The following SH3GL2 variants were observed in gnomAD, a reference collection of about 807,000 sequenced individuals.
SH3GL2 encodes endophilin-A1.
A neutral mutation model predicts 46.0 loss-of-function variants in SH3GL2; 24 were observed. That is an observed-to-expected ratio of 0.52 (90% CI 0.38 to 0.73). SH3GL2 has a LOEUF of 0.73. Among genes scored for constraint, SH3GL2 ranks in the 30% least tolerant of loss-of-function variants. SH3GL2 has a pLI of 0.00. For missense variants in SH3GL2, 413 were observed against 424.2 expected (o/e 0.97, Z 0.23); for synonymous variants, 196 against 147.1 (o/e 1.33, Z -2.40).
chr9:17,697,070 T>G (rs181328432), intron 1 of SH3GL2, among the ~76,000 whole-genome samples: 91 of 152,184 alleles, frequency 6.0e-4, no homozygotes, highest in African/African-American at 2.0e-3. Context: ...AAGAATCAGC[T>G]CCCTCACACC....
chr9:17,617,659 C>G (rs1387141931), intron 1 of SH3GL2, among the ~76,000 whole-genome samples: 1 of 152,140 alleles, frequency 6.6e-6, no homozygotes, highest in East Asian at 1.9e-4. Context: ...AAATGTTGAC[C>G]TATGTGATTA....
intron 1 of SH3GL2, among the ~76,000 whole-genome samples, chr9:17,659,185 C>T (rs891555126): frequency 2.0e-5 from 3 of 152,074 alleles, no homozygotes; most frequent in Non-Finnish European, 4.4e-5. Flanking sequence ...CACTAAGGTC[C>T]CTTCCTGTAT....
chr9:17,793,412 A>G lies in SH3GL2; in HGVS notation c.774A>G (p.Lys258=), dbSNP rs1824190138. The change falls in exon 8 of 9, where the codon AAA becomes AAG. Residue 258 remains lysine (K), a synonymous_variant. Transcript: ENST00000380607. ...SSQPRREYQP[K]PRMSLEFPTG... is the part of the protein sequence containing the mutation. ...AGCCTAGAAGGGAATATCAACCTAA[A>G]CCACGAATGAGCCTGGAGTTTCCAA... 6.2e-7 allele frequency: 1 copy of G among 1,612,816 alleles called. No homozygotes were observed. Among genetic ancestry groups the G allele is most frequent in the Non-Finnish European group, 8.5e-7 (1 of 1,179,492 alleles).
rs185035491 is a variant in SH3GL2 at position 17,615,431 on chromosome 9, C to T, written c.45+36144C>T. ...CAGCACTTTGAGAGGCCGAGGTGGG[C>T]GGATCACGAGGCCGGGAGATTGAGA... On this transcript the variant is annotated intron_variant, in intron 1 of 8. Coordinates refer to ENST00000380607, the MANE Select transcript of SH3GL2 (RefSeq NM_003026.5). Among the ~76,000 whole-genome samples, 182 of 152,004 alleles carry T rather than the reference C, an allele frequency of 1.2e-3. 1 individual carries two copies. The East Asian group carries it at 0.028, about 23-fold the overall frequency.
At chr9:17,608,393 G>T (rs199668199) in intron 1 of SH3GL2, among the ~76,000 whole-genome samples, 2 of 151,982 alleles carry the variant, frequency 1.3e-5, no homozygotes, top group Non-Finnish European at 2.9e-5. Context: ...TGATCTGCCC[G>T]CCTTGGCCTC....
chr9:17,749,159 T>C (rs1822774278), intron 2 of SH3GL2, among the ~76,000 whole-genome samples: 1 of 152,208 alleles, frequency 6.6e-6, no homozygotes, highest in Non-Finnish European at 1.5e-5. Flanking sequence ...AAAGTCTGCA[T>C]TGGTTCCTAT....
chr9:17,607,576 G>A (rs1034189565), intron 1 of SH3GL2, among the ~76,000 whole-genome samples: 3 of 152,204 alleles, frequency 2.0e-5, no homozygotes, highest in Non-Finnish European at 4.4e-5. Flanking sequence ...ATGTCTATGC[G>A]GCACGTGGCT....
intron 1 of SH3GL2, among the ~76,000 whole-genome samples, chr9:17,605,050 G>A (rs1281378461): frequency 6.7e-6 from 1 of 149,758 alleles, no homozygotes; most frequent in African/African-American, 2.5e-5. Flanking sequence ...ATGGCTCACT[G>A]CAACCTCAAC....
intron 1 of SH3GL2, among the ~76,000 whole-genome samples, chr9:17,607,106 A>G (rs1008431845): frequency 1.3e-4 from 20 of 152,348 alleles, no homozygotes; most frequent in African/African-American, 4.3e-4. Context: ...ACATACAGTC[A>G]TGCATCAGGT....
At chr9:17,616,375 A>T (rs897715504) in intron 1 of SH3GL2, among the ~76,000 whole-genome samples, 1 of 152,210 alleles carries the variant, frequency 6.6e-6, no homozygotes, top group African/African-American at 2.4e-5. Context: ...GTATAACTTT[A>T]GTGCTAGCTA....
At chr9:17,657,999 T>C (rs2117862396) in intron 1 of SH3GL2, among the ~76,000 whole-genome samples, 1 of 152,314 alleles carries the variant, frequency 6.6e-6, no homozygotes, top group East Asian at 1.9e-4. Flanking sequence ...TTGTTGTAGA[T>C]GAGCATCCAG....
intron 8 of SH3GL2, among the ~76,000 whole-genome samples, chr9:17,794,494 A>G (rs988647577): frequency 2.0e-5 from 3 of 152,190 alleles, no homozygotes; most frequent in African/African-American, 7.2e-5. Flanking sequence ...AGGACTAGTC[A>G]CAGAAATTGT....
intron 1 of SH3GL2, among the ~76,000 whole-genome samples, chr9:17,663,012 CT>C (rs1021999723): frequency 2.6e-5 from 4 of 152,080 alleles, no homozygotes; most frequent in African/African-American, 9.7e-5. Flanking sequence ...TGGCTAAGTC[CT>C]TTTTAAATAA....
intron 1 of SH3GL2, chr9:17,735,656 C>G: frequency 5.9e-6 from 2 of 339,656 alleles, no homozygotes; most frequent in Non-Finnish European, 8.4e-6. Flanking sequence ...TTGGTAGACA[C>G]AGGGGTTCTA....
At chr9:17,687,589 C>G (rs891513109) in intron 1 of SH3GL2, among the ~76,000 whole-genome samples, 24 of 152,108 alleles carry the variant, frequency 1.6e-4, no homozygotes, top group African/African-American at 5.8e-4. Context: ...TCCTGAAGTT[C>G]TAATGATAAA....
At chr9:17,623,841 C>A (rs193236995) in intron 1 of SH3GL2, among the ~76,000 whole-genome samples, 67 of 152,104 alleles carry the variant, frequency 4.4e-4, no homozygotes, top group African/African-American at 1.4e-3. Context: ...TTGGGATATT[C>A]TCTTATACTA....
At chr9:17,734,909 C>G (rs186935891) in intron 1 of SH3GL2, among the ~76,000 whole-genome samples, 15 of 152,142 alleles carry the variant, frequency 9.9e-5, no homozygotes, top group African/African-American at 3.6e-4. Context: ...TGTAAATACA[C>G]TAAAAATCAC....
At chr9:17,758,390 G>A (rs961010710) in intron 2 of SH3GL2, among the ~76,000 whole-genome samples, 3 of 151,312 alleles carry the variant, frequency 2.0e-5, no homozygotes, top group South Asian at 2.1e-4. Flanking sequence ...GCAAAACCCC[G>A]TCTCTACCAA....
chr9:17,624,645 G>C lies in SH3GL2; in HGVS notation c.45+45358G>C, dbSNP rs563651693. 7.9e-5 allele frequency among the ~76,000 whole-genome samples: 12 copies of C among 152,284 alleles called. No homozygotes were observed. In the South Asian group the frequency reaches 2.3e-3, roughly 29 times the overall value. ...AGTTGGCTAGTGGGGGCCCCTTCAA[G>C]ATGGCTCCTGTGTCCATGTGGCATG... On this transcript the variant is annotated intron_variant, in intron 1 of 8. Coordinates refer to ENST00000380607, the MANE Select transcript of SH3GL2 (RefSeq NM_003026.5).
Sources: allele counts gnomAD v4.1 joint callset (sites outside exome capture counted in the v4.1 genomes callset), GRCh38; gene constraint gnomAD v4.1.1; transcripts MANE v1.5; gene names NCBI Gene and HGNC (gene_info 2026-07-23, HGNC 2026-07-21).